DLAT: variants seen among roughly 807,000 people sequenced by gnomAD.
The protein encoded by DLAT is dihydrolipoyllysine-residue acetyltransferase component of pyruvate dehydrogenase complex, mitochondrial.
DLAT carries 43 observed loss-of-function variants against 68.0 expected under a neutral mutation model. The ratio of observed to expected loss-of-function variants is 0.63; its 90% CI spans 0.50 to 0.81. The LOEUF is 0.81. DLAT is among the 40% of genes least tolerant of loss of function. The pLI, the probability that DLAT is intolerant of heterozygous loss-of-function variation, is 0.00. For missense variants in DLAT, 745 were observed against 815.4 expected (o/e 0.91, Z 1.05); for synonymous variants, 265 against 288.6 (o/e 0.92, Z 0.83).
intron 4 of DLAT, among the ~76,000 whole-genome samples, chr11:112,031,168 A>G (rs1016346891): frequency 6.6e-6 from 1 of 152,180 alleles, no homozygotes; most frequent in African/African-American, 2.4e-5. Flanking sequence ...TTTTTTTCTA[A>G]GGCTTGTCTT....
chr11:112,044,371 G>A (rs180820830), intron 8 of DLAT, among the ~76,000 whole-genome samples: 11 of 152,084 alleles, frequency 7.2e-5, no homozygotes, highest in Admixed American at 7.2e-4. Context: ...ATTTTCGTAT[G>A]TTTAGTAGAG....
rs782786806 is a variant in DLAT, at chr11:112,045,193, G to A, written c.1253G>A (p.Gly418Asp). 9.3e-6 allele frequency: 15 copies of A among 1,613,990 alleles called. No homozygotes were observed. Among genetic ancestry groups the A allele is most frequent in the Middle Eastern group, 1.6e-4 (1 of 6,084 alleles). ...CCTGGAATGGCACCAGTTCCTACAG[G>A]TGTCTTCACAGATATCCCAATCAGC... ...TGPGMAPVPT[G>D]VFTDIPISNI... Residue 418 changes from glycine (G) to aspartate (D), a missense_variant, in exon 9 of 14, where the codon GGT becomes GAT. By Grantham distance (94) the Gly-to-Asp change is moderately conservative. Transcript: ENST00000280346.
intron 11 of DLAT, among the ~76,000 whole-genome samples, chr11:112,058,303 G>T (rs1187261112): frequency 6.6e-6 from 1 of 152,138 alleles, no homozygotes; most frequent in East Asian, 1.9e-4. Context: ...TGATACCTTG[G>T]CTACAGTTCT....
At chr11:112,036,128 T>C (rs587715977) in intron 5 of DLAT, among the ~76,000 whole-genome samples, 20 of 148,742 alleles carry the variant, frequency 1.3e-4, no homozygotes, top group African/African-American at 4.7e-4. Context: ...CTTAAACATA[T>C]ATATATGTGT....
intron 13 of DLAT, 101 bp from the exon 14 acceptor site, chr11:112,062,305 C>T (rs1864683045): frequency 8.0e-7 from 1 of 1,254,226 alleles, no homozygotes; most frequent in Non-Finnish European, 1.2e-6. Flanking sequence ...GGAAGTATTA[C>T]CTGGTTGGGA....
At chr11:112,052,285 A>G (rs1250321895) in intron 11 of DLAT, among the ~76,000 whole-genome samples, 3 of 152,110 alleles carry the variant, frequency 2.0e-5, no homozygotes, top group African/African-American at 7.2e-5. Context: ...CCTCTAATTC[A>G]ATTCAATTCA....
At chr11:112,032,037 T>C (rs1555180001) in intron 4 of DLAT, among the ~76,000 whole-genome samples, 1 of 151,442 alleles carries the variant, frequency 6.6e-6, no homozygotes, top group African/African-American at 2.4e-5. Context: ...GGTGTCACCA[T>C]GCCCAGCTAA....
In DLAT at chr11:112,055,848, C is replaced by CTTTTTTTTTTTTTTTTTTTT. The variant is rs71060212; in HGVS notation, c.1515-4036_1515-4017dup. Among the ~76,000 whole-genome samples the CTTTTTTTTTTTTTTTTTTTT allele has an allele frequency of 3.8e-4, 12 of 31,990 alleles. 4 individuals carry two copies. Among genetic ancestry groups the CTTTTTTTTTTTTTTTTTTTT allele is most frequent in the African/African-American group, 5.4e-4 (5 of 9,260 alleles). 21.0% of individuals were successfully genotyped at this position (31,990 alleles called of 152,430 possible). Reference sequence around the variant, plus strand: ...TCTCCTCTGTGCCAGCATATAGACACTTTTTTTTTTTTTTTTTTTTTTTTT... The same window carrying CTTTTTTTTTTTTTTTTTTTT: ...TCTCCTCTGTGCCAGCATATAGACACTTTTTTTTTTTTTTTTTTTTTTTTTTTTTTTTTTTTTTTTTTTTT... On this transcript the variant is annotated intron_variant, in intron 11 of 13. Transcript: ENST00000280346.
Position 112,039,406 on chromosome 11 carries a change from G to C in DLAT, c.1129+9G>C. On this transcript the variant is annotated intron_variant, in intron 7 of 13. Coordinates refer to ENST00000280346, the MANE Select transcript of DLAT (RefSeq NM_001931.5). ...TCTTACACAAGTAAAAGGTAAATCT[G>C]TTTCTATAGAATGGACTTTATAAAG... 2 of 1,613,628 alleles carry C rather than the reference G, an allele frequency of 1.2e-6. No homozygotes were observed. The highest frequency in any genetic ancestry group is 1.7e-6 in the Non-Finnish European group (2 of 1,179,694).
intron 4 of DLAT, 97 bp from the exon 5 acceptor site, chr11:112,033,307 A>C: frequency 6.9e-7 from 1 of 1,454,910 alleles, no homozygotes; most frequent in South Asian, 1.2e-5. Flanking sequence ...GGATTATCAT[A>C]GTCACCATCA....
chr11:112,026,892 T>C (rs587702974), intron 2 of DLAT, among the ~76,000 whole-genome samples: 143 of 151,276 alleles, frequency 9.5e-4, no homozygotes, highest in African/African-American at 3.3e-3. Context: ...TAGGGGCGGC[T>C]GGGCAGAGGC....
intron 11 of DLAT, among the ~76,000 whole-genome samples, chr11:112,059,041 T>C (rs1241203586): frequency 2.0e-5 from 3 of 151,590 alleles, no homozygotes; most frequent in African/African-American, 7.3e-5. Flanking sequence ...ACAGAAGATC[T>C]GATATTGTGT....
chr11:112,031,348 G>A (rs1340997613), intron 4 of DLAT, among the ~76,000 whole-genome samples: 6 of 152,172 alleles, frequency 3.9e-5, no homozygotes, highest in Non-Finnish European at 8.8e-5. Flanking sequence ...GCATTCTGAT[G>A]TTTGGATATT....
At chr11:112,039,850 C>T (rs761108865) in intron 7 of DLAT, among the ~76,000 whole-genome samples, 8 of 152,254 alleles carry the variant, frequency 5.3e-5, no homozygotes, top group South Asian at 2.1e-4. Flanking sequence ...CAAGGGAAAA[C>T]GCCTTACTTG....
chr11:112,037,818 C>A (rs1347246573), intron 6 of DLAT, among the ~76,000 whole-genome samples: 2 of 149,010 alleles, frequency 1.3e-5, no homozygotes, highest in Admixed American at 1.3e-4. Context: ...CACCCTGTTG[C>A]TGAGGCTGGA....
chr11:112,062,388 G>A lies in DLAT; in HGVS notation c.1815-18G>A, dbSNP rs1864691627. 6.2e-7 allele frequency: 1 copy of A among 1,611,906 alleles called. No homozygotes were observed. On this transcript the variant is annotated intron_variant, in intron 13 of 13. Coordinates refer to ENST00000280346, the MANE Select transcript of DLAT (RefSeq NM_001931.5). ...TATTTTCTTTCAGAATATCTAAAAT[G>A]TCTTTATCTTTTTCTAGGTTTGATG...
intron 11 of DLAT, among the ~76,000 whole-genome samples, chr11:112,058,616 AGGGGGGGGTG>A (rs1864274722): frequency 1.7e-5 from 1 of 59,014 alleles, no homozygotes; most frequent in South Asian, 9.3e-4. Context: ...GGGTGGGGGA[AGGGGGGGGTG>A]GGGGGGGGGA....
intron 6 of DLAT, among the ~76,000 whole-genome samples, 179 bp from the exon 7 acceptor site, chr11:112,039,065 C>T (rs970665556): frequency 2.0e-5 from 3 of 151,874 alleles, no homozygotes; most frequent in Non-Finnish European, 4.4e-5. Context: ...TCTCGCTGTT[C>T]GTATTACTAC....
In DLAT at chr11:112,025,507, T is replaced by C. The variant is rs781850423; in HGVS notation, c.35T>C (p.Val12Ala). The part of the protein sequence containing the change: ...WRVCARRAQN[V>A]APWAGLEARW... ...GTCTGTGCGCGACGGGCTCAGAATGTAGCCCCATGGGCGGGACTCGAGGCT... is the reference window on the plus strand; with the variant it reads ...GTCTGTGCGCGACGGGCTCAGAATGCAGCCCCATGGGCGGGACTCGAGGCT... The change falls in exon 1 of 14, where the codon GTA becomes GCA. Residue 12 changes from valine (V) to alanine (A), a missense_variant. Coordinates refer to ENST00000280346, the MANE Select transcript of DLAT (RefSeq NM_001931.5). The C allele has an allele frequency of 6.2e-7, 1 of 1,613,904 alleles. No individual in the cohort carries two copies. The highest frequency in any genetic ancestry group is 1.7e-5 in the Admixed American group (1 of 59,996).
Sources: gnomAD v4.1 joint callset for allele counts (sites outside exome capture counted in the v4.1 genomes callset) on GRCh38, gnomAD v4.1.1 for gene constraint, MANE v1.5 for transcripts, NCBI Gene and HGNC (gene_info 2026-07-23, HGNC 2026-07-21) for gene names.